Variants in GRID2 observed in about 807,000 individuals in gnomAD.
GRID2 encodes glutamate receptor ionotropic, delta-2.
A neutral mutation model predicts 114.8 loss-of-function variants in GRID2; 33 were observed. The observed-to-expected ratio is 0.29, with a 90% CI of 0.22 to 0.38. The LOEUF is 0.38. Ranked by LOEUF, GRID2 falls within the 10% of genes least tolerant of loss-of-function variation. The pLI is 1.00. For missense variants in GRID2, 1,184 were observed against 1,257.7 expected (o/e 0.94, Z 0.89); for synonymous variants, 505 against 449.9 (o/e 1.12, Z -1.55).
intron 11 of GRID2, among the ~76,000 whole-genome samples, chr4:93,486,107 A>T (rs1726379626): frequency 6.6e-6 from 1 of 151,626 alleles, no homozygotes; most frequent in Non-Finnish European, 1.5e-5. Flanking sequence ...TAGTTATTTG[A>T]TCATTTAATG....
intron 2 of GRID2, among the ~76,000 whole-genome samples, chr4:92,748,533 T>C (rs1378165700): frequency 1.3e-5 from 2 of 152,048 alleles, no homozygotes; most frequent in Non-Finnish European, 2.9e-5. Flanking sequence ...CACAGTATAT[T>C]GTCCAAGAGT....
chr4:92,619,095 G>A (rs1730146523), intron 2 of GRID2, among the ~76,000 whole-genome samples: 1 of 151,466 alleles, frequency 6.6e-6, no homozygotes, highest in African/African-American at 2.4e-5. Context: ...TTGCTTTTGA[G>A]TCACTATAGC....
At chr4:92,392,840 T>A (rs1036877230) in intron 1 of GRID2, among the ~76,000 whole-genome samples, 4 of 152,202 alleles carry the variant, frequency 2.6e-5, no homozygotes, top group African/African-American at 7.2e-5. Context: ...CCTGCGTTAC[T>A]GAAAACGGTG....
intron 1 of GRID2, among the ~76,000 whole-genome samples, chr4:92,370,941 C>T (rs1444252000): frequency 6.6e-6 from 1 of 152,020 alleles, no homozygotes; most frequent in Non-Finnish European, 1.5e-5. Flanking sequence ...TTTAAGAACA[C>T]CTGAATGATA....
intron 1 of GRID2, among the ~76,000 whole-genome samples, chr4:92,422,232 C>T (rs558601812): frequency 1.3e-4 from 20 of 151,770 alleles, no homozygotes; most frequent in Non-Finnish European, 2.2e-4. Flanking sequence ...TTGGAAGAGC[C>T]GGGTAGTGTG....
chr4:92,710,066 A>T (rs137908963), intron 2 of GRID2, among the ~76,000 whole-genome samples: 7 of 152,160 alleles, frequency 4.6e-5, no homozygotes, highest in Non-Finnish European at 1.0e-4. Flanking sequence ...CATACAGTTT[A>T]TATTACTTGT....
At chr4:92,692,606 A>C (rs990092909) in intron 2 of GRID2, among the ~76,000 whole-genome samples, 1 of 152,206 alleles carries the variant, frequency 6.6e-6, no homozygotes, top group African/African-American at 2.4e-5. Context: ...TACAGTTTTA[A>C]ACCAGTATTG....
intron 2 of GRID2, among the ~76,000 whole-genome samples, chr4:92,630,577 A>G (rs1730756965): frequency 6.6e-6 from 1 of 152,148 alleles, no homozygotes; most frequent in Non-Finnish European, 1.5e-5. Flanking sequence ...TAATGCAGGA[A>G]CTATTTTCCT....
chr4:92,799,810 C>T (rs1444284926), intron 2 of GRID2, among the ~76,000 whole-genome samples: 3 of 152,020 alleles, frequency 2.0e-5, no homozygotes, highest in East Asian at 3.9e-4. Flanking sequence ...CAGTAAGTAT[C>T]GTTTTCTCAA....
chr4:93,187,122 A>G (rs1215083208), intron 4 of GRID2, among the ~76,000 whole-genome samples: 1 of 152,132 alleles, frequency 6.6e-6, no homozygotes, highest in Non-Finnish European at 1.5e-5. Flanking sequence ...CAAAAGCCCC[A>G]CCTTCTCATA....
chr4:92,758,474 A>C (rs1737835600), intron 2 of GRID2, among the ~76,000 whole-genome samples: 1 of 152,062 alleles, frequency 6.6e-6, no homozygotes, highest in African/African-American at 2.4e-5. Context: ...AGAAGTATGA[A>C]CTTTTGAGTC....
intron 10 of GRID2, among the ~76,000 whole-genome samples, chr4:93,448,819 CCCTTCCCTTCCCTTCCCTTCCCTT>C (rs1722355538): frequency 1.1e-4 from 1 of 9,120 alleles, no homozygotes; most frequent in Non-Finnish European, 1.9e-4. Context: ...CCCTTCCCTT[CCCTTCCCTTCCCTTCCCTTCCCTT>C]CCCTTCCCTT....
rs555174218 is a variant in GRID2 at position 93,772,481 on chromosome 4, C to G, written c.3007C>G (p.Arg1003Gly). 2 of 1,593,132 alleles carry G rather than the reference C, an allele frequency of 1.3e-6. No homozygotes were observed. The highest frequency in any genetic ancestry group is 1.7e-5 in the Admixed American group (1 of 57,538). The change falls in exon 16 of 16, where the codon CGA (arginine) becomes GGA (glycine). Residue 1003 changes from arginine (R) to glycine (G), a missense_variant. Physicochemically the swap from Arg to Gly is moderately radical, Grantham distance 125. Transcript: ENST00000282020. ...GCTCAATCTGGGTAATGATCCAGACCGAGGCACCTCCATATGAGCATCAAA... is the reference window on the plus strand; with the variant it reads ...GCTCAATCTGGGTAATGATCCAGACGGAGGCACCTCCATATGAGCATCAAA... ...LGLNLGNDPD[R>G]GTSI
intron 2 of GRID2, among the ~76,000 whole-genome samples, chr4:92,595,662 T>C (rs907564893): frequency 2.4e-4 from 36 of 152,094 alleles, no homozygotes; most frequent in Non-Finnish European, 8.8e-5. Context: ...TATAAAACAA[T>C]AAAACTGCAT....
intron 4 of GRID2, among the ~76,000 whole-genome samples, chr4:93,140,089 G>A (rs1735619492): frequency 6.6e-6 from 1 of 151,608 alleles, no homozygotes; most frequent in African/African-American, 2.4e-5. Context: ...GATGTGCCAA[G>A]TAAGGGTTTG....
intron 9 of GRID2, among the ~76,000 whole-genome samples, chr4:93,402,584 A>G (rs1342542630): frequency 6.6e-6 from 1 of 152,168 alleles, no homozygotes; most frequent in East Asian, 1.9e-4. Context: ...AAACTGCAGA[A>G]TAATGAGTTT....
At chr4:93,325,185 T>A (rs1238444135) in intron 8 of GRID2, among the ~76,000 whole-genome samples, 1 of 152,188 alleles carries the variant, frequency 6.6e-6, no homozygotes, top group Non-Finnish European at 1.5e-5. Flanking sequence ...GTGCTATAAA[T>A]TTCCTTCTAC....
intron 1 of GRID2, among the ~76,000 whole-genome samples, chr4:92,535,263 G>A (rs548385184): frequency 1.9e-4 from 29 of 152,132 alleles, no homozygotes; most frequent in African/African-American, 6.0e-4. Flanking sequence ...AAATATAAGC[G>A]TAACTTTTAA....
At chr4:93,469,772 A>G (rs567122780) in intron 11 of GRID2, among the ~76,000 whole-genome samples, 24 of 152,188 alleles carry the variant, frequency 1.6e-4, no homozygotes, top group Non-Finnish European at 2.8e-4. Flanking sequence ...CAGTTCTTCT[A>G]TTAGGGCTGC....
Sources: allele counts gnomAD v4.1 joint callset (sites outside exome capture counted in the v4.1 genomes callset), GRCh38; gene constraint gnomAD v4.1.1; transcripts MANE v1.5; gene names NCBI Gene and HGNC (gene_info 2026-07-23, HGNC 2026-07-21).